Variants in YES1 observed in about 807,000 individuals in gnomAD.
YES1 encodes YES proto-oncogene 1, Src family tyrosine kinase.
Under a neutral mutation model 70.4 loss-of-function variants are expected in YES1, and 39 were observed. That is an observed-to-expected ratio of 0.55 (90% CI 0.43 to 0.72). The LOEUF is 0.72. YES1 is among the 30% of genes least tolerant of loss of function. The pLI is 0.00. For missense variants in YES1, 495 were observed against 644.8 expected (o/e 0.77, Z 2.52); for synonymous variants, 198 against 218.6 (o/e 0.91, Z 0.83).
At chr18:804,687 C>T (rs1442319131) in intron 1 of YES1, among the ~76,000 whole-genome samples, 2 of 147,484 alleles carry the variant, frequency 1.4e-5, no homozygotes, top group East Asian at 2.0e-4. Context: ...CCAAGGCGGG[C>T]GGATCACCTG....
intron 11 of YES1, among the ~76,000 whole-genome samples, chr18:727,595 C>CT (rs2080036252): frequency 6.6e-6 from 1 of 151,434 alleles, no homozygotes; most frequent in African/African-American, 2.4e-5. Context: ...TTTTTGTCTT[C>CT]TCTTGTTATT....
chr18:743,384 T>G lies in YES1; in HGVS notation c.756A>C (p.Thr252=). 6.2e-7 allele frequency: 1 copy of G among 1,612,898 alleles called. No individual in the cohort carries two copies. Among genetic ancestry groups the G allele is most frequent in the Non-Finnish European group, 8.5e-7 (1 of 1,179,866 alleles). The change falls in exon 7 of 12, where the codon ACA becomes ACC. Residue 252 remains threonine (T), a synonymous_variant. Coordinates refer to ENST00000314574, the MANE Select transcript of YES1 (RefSeq NM_005433.4). ...GAGGTTTCACAGTTGGACACACAGT[T>G]GTCAACTTGTGGCATAAACCATCAG... ...EHADGLCHKL[T]TVCPTVKPQT... is the part of the protein sequence containing the mutation.
chr18:800,599 G>A (rs1906769269), intron 1 of YES1, among the ~76,000 whole-genome samples: 1 of 152,172 alleles, frequency 6.6e-6, no homozygotes, highest in South Asian at 2.1e-4. Context: ...TACAATTGGA[G>A]AAATAAAAGG....
At chr18:731,283 T>A (rs2080084742) in intron 11 of YES1, among the ~76,000 whole-genome samples, 1 of 152,110 alleles carries the variant, frequency 6.6e-6, no homozygotes, top group Admixed American at 6.5e-5. Flanking sequence ...GAGACCAGGG[T>A]AATAGAAGAA....
chr18:802,366 C>G (rs1191610695), intron 1 of YES1, among the ~76,000 whole-genome samples: 1 of 152,038 alleles, frequency 6.6e-6, no homozygotes, highest in Non-Finnish European at 1.5e-5. Flanking sequence ...TCGGGAGTTC[C>G]AGACCAGCCT....
At chr18:729,815 T>G (rs567939117) in intron 11 of YES1, among the ~76,000 whole-genome samples, 1 of 151,978 alleles carries the variant, frequency 6.6e-6, no homozygotes, top group African/African-American at 2.4e-5. Flanking sequence ...TTAGCAGAGA[T>G]GGGGTTTTAC....
intron 1 of YES1, among the ~76,000 whole-genome samples, chr18:794,376 C>A (rs988848050): frequency 6.6e-6 from 1 of 151,936 alleles, no homozygotes; most frequent in African/African-American, 2.4e-5. Context: ...AAAGATAAAG[C>A]CTGAAGAACT....
chr18:765,251 T>C (rs1371024538), intron 1 of YES1, among the ~76,000 whole-genome samples: 3 of 10,652 alleles, frequency 2.8e-4, no homozygotes, highest in Admixed American at 1.1e-3. Flanking sequence ...GTTACAACTA[T>C]ATATATATAT....
intron 1 of YES1, among the ~76,000 whole-genome samples, chr18:777,843 C>T (rs1181747198): frequency 6.6e-6 from 1 of 151,330 alleles, no homozygotes; most frequent in Non-Finnish European, 1.5e-5. Flanking sequence ...AAAGAATTAC[C>T]TATATCAGAA....
intron 1 of YES1, chr18:788,123 C>G (rs1472381465): frequency 6.6e-6 from 1 of 152,114 alleles, no homozygotes; most frequent in Non-Finnish European, 1.5e-5. Flanking sequence ...AACTTGCCTC[C>G]TTTGGCTTTT....
chr18:745,670 A>G (rs2145714098), intron 6 of YES1, 38 bp downstream of exon 6: 1 of 1,560,120 alleles, frequency 6.4e-7, no homozygotes, highest in South Asian at 1.2e-5. Context: ...AAACTAGAAT[A>G]TGAAGAAATA....
rs200762886 is a variant in YES1, at chr18:736,815, T to G, written c.1284A>C (p.Ala428=). The stretch of plus-strand genomic sequence containing the variant: ...ATGTAAAAGTAATTTTACCTTGTCT[T>G]GCTGTGTATTCATTGTCTTCAATTA... ...ARLIEDNEYT[A]RQGAKFPIKW... The change falls in exon 10 of 12, where the codon GCA becomes GCC. Residue 428 remains alanine (A), a synonymous_variant. Transcript: ENST00000314574. 2.5e-6 allele frequency: 4 copies of G among 1,610,548 alleles called. No individual in the cohort carries two copies. Among genetic ancestry groups the G allele is most frequent in the Non-Finnish European group, 3.4e-6 (4 of 1,179,628 alleles).
At chr18:809,393 G>A (rs969576929) in intron 1 of YES1, among the ~76,000 whole-genome samples, 6 of 152,082 alleles carry the variant, frequency 3.9e-5, no homozygotes, top group South Asian at 4.2e-4. Flanking sequence ...TCTGTCTCCC[G>A]GGTTCAAGCG....
Position 784,368 on chromosome 18 carries a change from C to T in YES1, c.-8-27533G>A, listed in dbSNP as rs145500860. ...CAGATGAGGAAACTAAGGCTGGAGACGTTAAATAGGTTTTGGTTCTATGTC... is the reference window on the plus strand; with the variant it reads ...CAGATGAGGAAACTAAGGCTGGAGATGTTAAATAGGTTTTGGTTCTATGTC... On this transcript the variant is annotated intron_variant, in intron 1 of 11. Transcript: ENST00000314574. Among the ~76,000 whole-genome samples the T allele has an allele frequency of 5.3e-5, 8 of 152,240 alleles. 1 individual carries two copies. In the South Asian group the frequency reaches 6.2e-4, roughly 12 times the overall value.
chr18:743,522 C>A, intron 6 of YES1, 107 bp from the exon 7 acceptor site: 1 of 942,954 alleles, frequency 1.1e-6, no homozygotes, highest in East Asian at 2.7e-5. Flanking sequence ...AACAGAAGTC[C>A]TTTCGAGTTT....
intron 1 of YES1, among the ~76,000 whole-genome samples, chr18:759,248 C>A (rs1485356778): frequency 6.6e-6 from 1 of 152,200 alleles, no homozygotes; most frequent in Non-Finnish European, 1.5e-5. Context: ...GGGTGGACAG[C>A]CTGAGGTCAG....
intron 4 of YES1, among the ~76,000 whole-genome samples, chr18:746,821 C>T (rs2080286550): frequency 1.3e-5 from 2 of 152,194 alleles, no homozygotes; most frequent in African/African-American, 4.8e-5. Context: ...AACTCCCATA[C>T]ACCCTACAAT....
intron 1 of YES1, among the ~76,000 whole-genome samples, chr18:758,960 T>C (rs1904434445): frequency 6.6e-6 from 1 of 152,224 alleles, no homozygotes; most frequent in South Asian, 2.1e-4. Context: ...GTATAGTTTT[T>C]CCCTTTCTAT....
intron 1 of YES1, among the ~76,000 whole-genome samples, chr18:782,582 TATTA>T (rs1464632713): frequency 1.3e-5 from 2 of 152,232 alleles, no homozygotes; most frequent in Non-Finnish European, 2.9e-5. Flanking sequence ...AAAAATATAT[TATTA>T]ATTAGTCACA....
Sources: allele counts gnomAD v4.1 joint callset (sites outside exome capture counted in the v4.1 genomes callset), GRCh38; gene constraint gnomAD v4.1.1; transcripts MANE v1.5; gene names NCBI Gene and HGNC (gene_info 2026-07-23, HGNC 2026-07-21).